Variants in PLEC observed in about 807,000 individuals in gnomAD.
PLEC encodes the protein plectin, also known as hemidesmosomal protein 1.
In PLEC, 216 loss-of-function variants were observed where a neutral mutation model predicts 392.8. That is an observed-to-expected ratio of 0.55 (90% CI 0.49 to 0.62). The LOEUF (loss-of-function observed/expected upper bound fraction) is 0.62. Among genes scored for constraint, PLEC ranks in the 20% least tolerant of loss-of-function variants. PLEC has a pLI of 0.00. For synonymous variants in PLEC, 3,621 were observed against 2,980.6 expected, an observed-to-expected ratio of 1.21 and a Z score of -7.00; for missense variants, 6,863 against 6,563.4, an observed-to-expected ratio of 1.05 and a Z score of -1.58.
At position 143,930,304 on chromosome 8, in the gene PLEC, A is replaced by T; in HGVS notation, c.2458-6T>A. On this transcript the variant is annotated splice_polypyrimidine_tract_variant and splice_region_variant and intron_variant, in intron 20 of 31. Transcript: ENST00000345136. ...TCACCCTTGTGCACAGTCACCTGGG[A>T]CGGGCAGAGTCGGTGAGGACATGGC... 1 of 1,601,210 alleles carries T rather than the reference A, an allele frequency of 6.2e-7. No individual in the cohort carries two copies.
chr8:143,966,237 G>GC (rs754600772), intron 1 of PLEC, among the ~76,000 whole-genome samples: 231 of 152,294 alleles, frequency 1.5e-3, no homozygotes, highest in Non-Finnish European at 2.7e-3. Context: ...GCTGCCCACT[G>GC]CTCTGCTTCC....
rs542999833 is a variant in PLEC at position 143,932,734 on chromosome 8, G to A, written c.1738-22C>T. 4.0e-5 allele frequency: 65 copies of A among 1,608,116 alleles called. No individual in the cohort carries two copies. In the African/African-American group the frequency reaches 7.9e-4, roughly 20 times the overall value. On this transcript the variant is annotated intron_variant, in intron 14 of 31. Transcript: ENST00000345136. ...GGCCCTGCAACAGATGAGACGGTGA[G>A]GTCTGCAGTGGCTGGGCCCGGCCCA...
chr8:143,941,823 G>T (rs1830513156), upstream of PLEC, among the ~76,000 whole-genome samples: 1 of 151,974 alleles, frequency 6.6e-6, no homozygotes, highest in South Asian at 2.1e-4. Context: ...CAGCTCAGGT[G>T]CCTCTGCACA....
Position 143,939,384 on chromosome 8 carries a change from G to T in PLEC, c.78C>A (p.Tyr26Ter). 2 of 1,612,720 alleles carry T rather than the reference G, an allele frequency of 1.2e-6. No individual in the cohort carries two copies. Among genetic ancestry groups the T allele is most frequent in the Non-Finnish European group, 1.7e-6 (2 of 1,179,782 alleles). ...RKRTSSEDNL[Y>*]LAVLRASEGK... Reference sequence around the variant, plus strand: ...CCTCAGAGGCCCTGAGCACAGCCAGGTACAGGTTGTCCTCCGAGCTGGTTC... The same window carrying T: ...CCTCAGAGGCCCTGAGCACAGCCAGTTACAGGTTGTCCTCCGAGCTGGTTC... The change falls in exon 1 of 32, where the codon TAC becomes TAA. Residue 26 changes from tyrosine to a stop codon, truncating the protein, a stop_gained. Coordinates refer to ENST00000345136, the MANE Select transcript of PLEC (RefSeq NM_201384.3). LOFTEE classifies it high-confidence loss of function.
chr8:143,943,643 G>C (rs782436624), upstream of PLEC: 32 of 801,488 alleles, frequency 4.0e-5, no homozygotes, highest in Non-Finnish European at 6.4e-5. Context: ...CTGCAGGGTG[G>C]GGTGGAGGGG....
intron 31 of PLEC, 48 bp downstream of exon 31, chr8:143,922,456 A>C (rs1554689706): frequency 6.2e-7 from 1 of 1,601,310 alleles, no homozygotes; most frequent in South Asian, 1.1e-5. Context: ...CACCCACCAA[A>C]GCAGATCCCC....
At chr8:143,966,888 G>A (rs1321510850) in intron 1 of PLEC, among the ~76,000 whole-genome samples, 2 of 152,176 alleles carry the variant, frequency 1.3e-5, no homozygotes, top group African/African-American at 4.8e-5. Context: ...TGAACATCTC[G>A]ACCTCAGCCC....
rs148865812 is a variant in PLEC at position 143,917,881 on chromosome 8, G to A, written c.11940C>T (p.Ile3980=). The change falls in exon 32 of 32, where the codon ATC becomes ATT. Residue 3980 remains isoleucine, a synonymous_variant. Coordinates refer to ENST00000345136, the MANE Select transcript of PLEC (RefSeq NM_201384.3). ...QAATGYVIDP[I]KGLKLTVEEA... is the part of the protein sequence containing the mutation. ...CCTCCACCGTCAGCTTCAGTCCCTTGATGGGGTCGATGACGTAACCGGTGG... is the reference window on the plus strand; with the variant it reads ...CCTCCACCGTCAGCTTCAGTCCCTTAATGGGGTCGATGACGTAACCGGTGG... 6.2e-3 allele frequency: 9,995 copies of A among 1,613,080 alleles called. 72 individuals are homozygous for A. The highest frequency in any genetic ancestry group is 0.038 in the Middle Eastern group (230 of 6,062).
At chr8:143,946,793 C>T (rs1029979400) in intron 1 of PLEC, among the ~76,000 whole-genome samples, 2 of 142,198 alleles carry the variant, frequency 1.4e-5, no homozygotes, top group Admixed American at 7.2e-5. Context: ...TCCATGTGCC[C>T]AGCGGTATTT....
At chr8:143,974,239 T>C (rs1215025827), upstream of PLEC, among the ~76,000 whole-genome samples, 1 of 152,234 alleles carries the variant, frequency 6.6e-6, no homozygotes, top group Non-Finnish European at 1.5e-5. This position sits in a 1 kb window ranked among gnomAD's most constrained non-coding sequence, Gnocchi z 5.9. Context: ...GCAAAGCCTT[T>C]GCAGTGAGTA....
chr8:143,961,563 T>C lies in PLEC; in HGVS notation c.70+11840A>G, dbSNP rs551229159. Among the ~76,000 whole-genome samples the C allele has an allele frequency of 6.6e-5, 10 of 152,314 alleles. No individual in the cohort carries two copies. In the South Asian group the frequency reaches 1.9e-3, roughly 28 times the overall value. Reference sequence around the variant, plus strand: ...TAACAACAGTCATAGAGATGCACAATGACCCAGCTACAACACTGTTCACTG... The same window carrying C: ...TAACAACAGTCATAGAGATGCACAACGACCCAGCTACAACACTGTTCACTG... On this transcript the variant is annotated intron_variant, in intron 1 of 31. Coordinates refer to the PLEC transcript ENST00000356346.
In PLEC at chr8:143,934,072, T is replaced by A; in HGVS notation, c.1189A>T (p.Ile397Phe). 6.2e-7 allele frequency: 1 copy of A among 1,611,746 alleles called. No homozygotes were observed. Among genetic ancestry groups the A allele is most frequent in the Admixed American group, 1.7e-5 (1 of 59,962 alleles). Residue 397 changes from isoleucine (I) to phenylalanine (F), a missense_variant, in exon 12 of 32, where the codon ATC becomes TTC. Coordinates refer to ENST00000345136, the MANE Select transcript of PLEC (RefSeq NM_201384.3). Reference sequence around the variant, plus strand: ...GCCTCCATCTGCAGCTTGGTCACGATGCGCTGAAGACACTCCAGCCTGCAG... The same window carrying A: ...GCCTCCATCTGCAGCTTGGTCACGAAGCGCTGAAGACACTCCAGCCTGCAG... The part of the protein sequence containing the change: ...EFERLECLQR[I>F]VTKLQMEAGL...
chr8:143,976,270 AGCACTGGCGT>A (rs1833658870), upstream of PLEC, among the ~76,000 whole-genome samples: 1 of 151,998 alleles, frequency 6.6e-6, no homozygotes, highest in Admixed American at 6.5e-5. Flanking sequence ...CGTCCCCAAG[AGCACTGGCGT>A]GCGGGAGGTG....
intron 1 of PLEC, chr8:143,946,384 C>T (rs782755610): frequency 1.6e-6 from 2 of 1,288,992 alleles, no homozygotes; most frequent in Non-Finnish European, 2.0e-6. Context: ...CCATGCTGTA[C>T]CTGTCCATGG....
At chr8:143,952,238 G>A (rs1319566130), upstream of PLEC, among the ~76,000 whole-genome samples, 1 of 151,930 alleles carries the variant, frequency 6.6e-6, no homozygotes, top group African/African-American at 2.4e-5. Flanking sequence ...GCACGCGCAC[G>A]CCTGCGTACA....
Position 143,973,505 on chromosome 8 carries a change from G to A in PLEC, c.-33C>T, listed in dbSNP as rs1833542669. 1.4e-6 allele frequency: 2 copies of A among 1,467,992 alleles called. No homozygotes were observed. Among genetic ancestry groups the A allele is most frequent in the South Asian group, 1.3e-5 (1 of 76,424 alleles). 90.9% of individuals were successfully genotyped at this position (1,467,992 alleles called of 1,614,324 possible). A position where few individuals can be genotyped will look rare whatever the true frequency, so the allele number is the denominator to read the frequency against. On this transcript the variant is annotated 5_prime_UTR_variant, in exon 1 of 32. Transcript: ENST00000356346. The surrounding 1 kb of genome is among the most constrained non-coding windows in gnomAD (Gnocchi z 5.6). Reference sequence around the variant, plus strand: ...GGCGCGGGGCGCGGGGTGCAGCGGAGCCTCCAGCACCCGGCGGCCACTCTG... The same window carrying A: ...GGCGCGGGGCGCGGGGTGCAGCGGAACCTCCAGCACCCGGCGGCCACTCTG...
At position 143,918,336 on chromosome 8, in the gene PLEC, G is replaced by A. The variant is rs1554674880; in HGVS notation, c.11485C>T (p.Leu3829Phe). The A allele has an allele frequency of 6.3e-7, 1 of 1,583,828 alleles. No homozygotes were observed. The highest frequency in any genetic ancestry group is 1.7e-5 in the Admixed American group (1 of 57,394). The change falls in exon 32 of 32, where the codon CTC becomes TTC. Residue 3829 changes from leucine (L) to phenylalanine (F), a missense_variant. Coordinates refer to ENST00000345136, the MANE Select transcript of PLEC (RefSeq NM_201384.3). Reference protein sequence around the residue: ...PLEVAYQRGYLNKDTHDQLSE... With the variant: ...PLEVAYQRGYFNKDTHDQLSE... ...AGCTGGTCGTGCGTGTCCTTGTTGAGGTAGCCACGCTGGTAAGCCACCTCC... is the reference window on the plus strand; with the variant it reads ...AGCTGGTCGTGCGTGTCCTTGTTGAAGTAGCCACGCTGGTAAGCCACCTCC...
Position 143,923,324 on chromosome 8 carries a change from T to C in PLEC, c.6605A>G (p.Lys2202Arg), listed in dbSNP as rs201928401. ...CTGCAGCTCCTCGTCCAGCAGGTTC[T>C]TCTGGTGGTCGGTCTCCTCCAGCTG... ...RLQLEETDHQKNLLDEELQRL... is the reference protein window; with the variant it reads ...RLQLEETDHQRNLLDEELQRL... The change falls in exon 31 of 32, where the codon AAG becomes AGG. Residue 2202 changes from lysine to arginine, a missense_variant. Coordinates refer to ENST00000345136, the MANE Select transcript of PLEC (RefSeq NM_201384.3). 612 of 1,610,150 alleles carry C rather than the reference T, an allele frequency of 3.8e-4. 1 individual carries two copies. Among genetic ancestry groups the C allele is most frequent in the Non-Finnish European group, 5.1e-4 (596 of 1,179,584 alleles).
rs1833269096 is a variant in PLEC at position 143,969,022 on chromosome 8, A to G, written c.70+4381T>C. 6.6e-6 allele frequency among the ~76,000 whole-genome samples: 1 copy of G among 152,238 alleles called. No individual in the cohort carries two copies. The highest frequency in any genetic ancestry group is 2.4e-5 in the African/African-American group (1 of 41,458). On this transcript the variant is annotated intron_variant, in intron 1 of 31. Transcript: ENST00000356346. This position sits in a 1 kb window ranked among gnomAD's most constrained non-coding sequence, Gnocchi z 5.1. ...CACTCCTAGGTATCTACCCAGCAGAAATAAAAAACATACGACCACACAAAA... is the reference window on the plus strand; with the variant it reads ...CACTCCTAGGTATCTACCCAGCAGAGATAAAAAACATACGACCACACAAAA...
Sources: gnomAD v4.1 joint callset for allele counts (sites outside exome capture counted in the v4.1 genomes callset) on GRCh38, gnomAD v4.1.1 for gene constraint, Gnocchi (gnomAD v3.1) non-coding constraint, MANE v1.5 for transcripts, NCBI Gene and HGNC (gene_info 2026-07-23, HGNC 2026-07-21) for gene names.